The following RB1CC1 variants were observed in gnomAD, a reference collection of about 807,000 sequenced individuals.
The protein encoded by RB1CC1 is RB1-inducible coiled-coil protein 1.
A neutral mutation model predicts 177.5 loss-of-function variants in RB1CC1; 46 were observed. The observed-to-expected ratio is 0.26, with a 90% confidence interval of 0.20 to 0.33. RB1CC1 has a LOEUF of 0.33. Ranked by LOEUF, RB1CC1 falls within the 10% of genes least tolerant of loss-of-function variation. RB1CC1 has a pLI of 1.00. For synonymous variants in RB1CC1, 666 were observed against 613.6 expected (o/e 1.09, Z -1.26); for missense variants, 1,703 against 1,816.3 (o/e 0.94, Z 1.13).
intron 21 of RB1CC1, among the ~76,000 whole-genome samples, 168 bp downstream of exon 21, chr8:52,630,302 A>T (rs2150377252): frequency 6.6e-6 from 1 of 152,270 alleles, no homozygotes; most frequent in African/African-American, 2.4e-5. Context: ...TTCCAGAATA[A>T]CAATTTAGAA....
chr8:52,643,121 T>A (rs538454856), intron 16 of RB1CC1: 1 of 185,640 alleles, frequency 5.4e-6, no homozygotes, highest in East Asian at 1.5e-4. Flanking sequence ...AGACACTTAC[T>A]TTTTTCCTGG....
In RB1CC1 at chr8:52,656,634, C is replaced by T. The variant is rs16918075; in HGVS notation, c.3195G>A (p.Ala1065=). ...TTTCATCAGTTTCTGCTTCCTTCAACGCAAGTTCAACCTCTAACTTGCATC... is the reference window on the plus strand; with the variant it reads ...TTTCATCAGTTTCTGCTTCCTTCAATGCAAGTTCAACCTCTAACTTGCATC... ...DTRCKLEVEL[A]LKEAETDEIK... The change falls in exon 15 of 24, where the codon GCG becomes GCA. Residue 1065 remains alanine, a synonymous_variant. Coordinates refer to ENST00000025008, the MANE Select transcript of RB1CC1 (RefSeq NM_014781.5). 5.7e-3 allele frequency: 9,162 copies of T among 1,613,816 alleles called. 499 individuals are homozygous for T. In the African/African-American group the frequency reaches 0.11, roughly 19 times the overall value.
At chr8:52,709,621 CCCA>C (rs1240029925) in intron 1 of RB1CC1, among the ~76,000 whole-genome samples, 3 of 152,196 alleles carry the variant, frequency 2.0e-5, no homozygotes, top group Non-Finnish European at 2.9e-5. Flanking sequence ...TGCCTGTAAT[CCCA>C]CCTACTGGGA....
At chr8:52,661,445 T>C in intron 9 of RB1CC1, 90 bp downstream of exon 9, 1 of 1,461,778 alleles carries the variant, frequency 6.8e-7, no homozygotes, top group Non-Finnish European at 9.2e-7. Flanking sequence ...TTCAATAAAA[T>C]GGTAGGGAAA....
intron 1 of RB1CC1, among the ~76,000 whole-genome samples, chr8:52,691,035 T>C (rs113440434): frequency 1.3e-5 from 2 of 152,240 alleles, no homozygotes; most frequent in Non-Finnish European, 2.9e-5. Flanking sequence ...TTATCTAATC[T>C]ACAGTCCATA....
intron 8 of RB1CC1, among the ~76,000 whole-genome samples, chr8:52,666,513 C>T (rs1331905717): frequency 7.2e-6 from 1 of 139,316 alleles, no homozygotes; most frequent in African/African-American, 2.5e-5. Context: ...AGCGAAACTT[C>T]CTCTCAAAAA....
chr8:52,634,118 AT>A (rs879702994), intron 20 of RB1CC1, among the ~76,000 whole-genome samples: 154 of 147,350 alleles, frequency 1.0e-3, no homozygotes, highest in Middle Eastern at 3.6e-3. Flanking sequence ...CCTTGTCTCG[AT>A]TTTTTTTTTT....
In RB1CC1 at chr8:52,657,428, A is replaced by G. The variant is rs148363694; in HGVS notation, c.2401T>C (p.Cys801Arg). ...HTSLNVQLER[C>R]RVVAQDSHFS... ...TGAGAGTCTTGGGCAACAACTCTAC[A>G]TCTTTCCAACTGGACATTCAGAGAA... Residue 801 changes from cysteine to arginine, a missense_variant, in exon 15 of 24, where the codon TGT becomes CGT. Cys to Arg is a radical substitution (Grantham distance 180). This residue lies in a region of RB1CC1 where 1,169 missense variants were observed against 1,184.7 expected (regional missense o/e 0.99). Transcript: ENST00000025008. 1 of 1,613,726 alleles carries G rather than the reference A, an allele frequency of 6.2e-7. No homozygotes were observed. The highest frequency in any genetic ancestry group is 1.3e-5 in the African/African-American group (1 of 74,942).
intron 8 of RB1CC1, among the ~76,000 whole-genome samples, chr8:52,665,755 A>C (rs147852205): frequency 5.9e-5 from 9 of 152,280 alleles, no homozygotes; most frequent in Non-Finnish European, 7.4e-5. Flanking sequence ...GATCCAGGAG[A>C]AGAACGAAAC....
rs192051557 is a variant in RB1CC1, at chr8:52,631,166, T to C, written c.4441-638A>G. Among the ~76,000 whole-genome samples the C allele has an allele frequency of 4.0e-4, 61 of 152,174 alleles. No individual in the cohort carries two copies. The East Asian group carries it at 0.011, about 27-fold the overall frequency. On this transcript the variant is annotated intron_variant, in intron 20 of 23. Transcript: ENST00000025008. The stretch of plus-strand genomic sequence containing the variant: ...AGGCAGAGGGGAGAAGGGGATGGGG[T>C]TGATTTACAATCTTACAACTTATGA...
chr8:52,678,378 C>A (rs1021708955), intron 5 of RB1CC1, among the ~76,000 whole-genome samples: 5 of 152,146 alleles, frequency 3.3e-5, no homozygotes, highest in Admixed American at 6.5e-5. Context: ...GATCGCACAA[C>A]TGAATTCCAG....
Position 52,688,166 on chromosome 8 carries a change from G to A in RB1CC1, c.-166-1199C>T, listed in dbSNP as rs186616904. ...TGTGTGTTTGAACAATATGCAATCAGTGCACCTTGAAAAAGAGCAGAATTA... is the reference window on the plus strand; with the variant it reads ...TGTGTGTTTGAACAATATGCAATCAATGCACCTTGAAAAAGAGCAGAATTA... On this transcript the variant is annotated intron_variant, in intron 1 of 23. Transcript: ENST00000025008. Among the ~76,000 whole-genome samples the A allele has an allele frequency of 3.3e-5, 5 of 152,062 alleles. No homozygotes were observed. In the East Asian group the frequency reaches 9.7e-4, roughly 29 times the overall value.
chr8:52,675,888 G>GAAA (rs1268855883), intron 6 of RB1CC1, among the ~76,000 whole-genome samples: 14 of 72,172 alleles, frequency 1.9e-4, no homozygotes, highest in Non-Finnish European at 3.5e-4. Context: ...CTCCGTCTCA[G>GAAA]AAAAAAAAAA....
intron 7 of RB1CC1, among the ~76,000 whole-genome samples, chr8:52,672,480 T>C (rs1591041897): frequency 6.6e-6 from 1 of 152,174 alleles, no homozygotes; most frequent in Non-Finnish European, 1.5e-5. Flanking sequence ...CAGTGGCTCA[T>C]GCCTGTAATC....
At chr8:52,680,985 TGTGTG>T (rs1563431876) in intron 5 of RB1CC1, among the ~76,000 whole-genome samples, 15 of 129,520 alleles carry the variant, frequency 1.2e-4, no homozygotes, top group African/African-American at 4.6e-4. Context: ...TGTGTGTGTG[TGTGTG>T]TGTGTTTTTT....
intron 22 of RB1CC1, 123 bp from the exon 23 acceptor site, chr8:52,624,910 TA>T: frequency 1.5e-6 from 1 of 650,450 alleles, no homozygotes; most frequent in Non-Finnish European, 2.5e-6. Context: ...TGTAAGACTT[TA>T]AAAACTACCG....
At chr8:52,652,709 T>C (rs1427709377) in intron 15 of RB1CC1, among the ~76,000 whole-genome samples, 3 of 152,138 alleles carry the variant, frequency 2.0e-5, no homozygotes, top group Admixed American at 2.0e-4. Flanking sequence ...ATTATATGAA[T>C]AAGTCTGTGT....
intron 1 of RB1CC1, among the ~76,000 whole-genome samples, chr8:52,698,170 C>G (rs191142639): frequency 7.4e-4 from 112 of 152,094 alleles, no homozygotes; most frequent in African/African-American, 2.6e-3. Flanking sequence ...ACAACCTCCC[C>G]GGCTCAAGCA....
chr8:52,648,984 G>C (rs938490839), intron 15 of RB1CC1, among the ~76,000 whole-genome samples: 1 of 152,196 alleles, frequency 6.6e-6, no homozygotes, highest in East Asian at 1.9e-4. Context: ...CTAATGTGTG[G>C]AGAGTGCCCA....
Sources: gnomAD v4.1 joint callset for allele counts (sites outside exome capture counted in the v4.1 genomes callset) on GRCh38, gnomAD v4.1.1 for gene constraint, gnomAD v4.1.1 regional missense constraint, MANE v1.5 for transcripts, NCBI Gene and HGNC (gene_info 2026-07-23, HGNC 2026-07-21) for gene names.